The following METTL25 variants were observed in gnomAD, a reference collection of about 807,000 sequenced individuals.
The protein encoded by METTL25 is probable methyltransferase-like protein 25.
In METTL25, 64 loss-of-function variants were observed where a neutral mutation model predicts 71.6. The observed-to-expected ratio is 0.89, with a 90% CI of 0.73 to 1.10. METTL25 has a LOEUF of 1.10. Ranked by LOEUF, METTL25 falls within the 50% of genes least tolerant of loss-of-function variation. The probability of loss-of-function intolerance (pLI) is 0.00; values close to 1 mark genes in which losing one functional copy is unlikely to be tolerated. For missense variants in METTL25, 807 were observed against 707.0 expected (o/e 1.14, Z -1.60); for synonymous variants, 287 against 250.3 (o/e 1.15, Z -1.38).
intron 4 of METTL25, among the ~76,000 whole-genome samples, chr12:82,401,965 T>A (rs528515018): frequency 1.3e-5 from 2 of 152,084 alleles, no homozygotes; most frequent in East Asian, 3.9e-4. Flanking sequence ...TACAAGTTTC[T>A]TTTTACTCCT....
intron 5 of METTL25, among the ~76,000 whole-genome samples, chr12:82,404,886 G>C (rs1247529676): frequency 6.6e-6 from 1 of 151,708 alleles, no homozygotes; most frequent in Non-Finnish European, 1.5e-5. Context: ...ACAGGTTGCA[G>C]TGAGCCAAGA....
At chr12:82,410,570 G>T (rs1318490293) in intron 5 of METTL25, among the ~76,000 whole-genome samples, 1 of 152,100 alleles carries the variant, frequency 6.6e-6, no homozygotes, top group Non-Finnish European at 1.5e-5. Context: ...AGTTCAGCTA[G>T]ATCCTGGCTA....
intron 1 of METTL25, 113 bp downstream of exon 1, chr12:82,358,937 G>C (rs1232848996): frequency 1.5e-6 from 2 of 1,350,944 alleles, no homozygotes; most frequent in East Asian, 5.0e-5. Context: ...GCGGAGGCGG[G>C]GCGGCCCGCT....
chr12:82,362,019 C>G (rs147226964), intron 1 of METTL25, among the ~76,000 whole-genome samples: 1 of 152,156 alleles, frequency 6.6e-6, no homozygotes, highest in African/African-American at 2.4e-5. Context: ...AACATAATTC[C>G]CAGAGCGCAA....
chr12:82,449,796 A>G (rs765604061), intron 8 of METTL25, among the ~76,000 whole-genome samples: 1 of 142,142 alleles, frequency 7.0e-6, no homozygotes, highest in Non-Finnish European at 1.5e-5. Flanking sequence ...CACAGATTCT[A>G]AAAATCCTCT....
intron 1 of METTL25, 51 bp downstream of exon 1, chr12:82,358,875 G>T (rs771321669): frequency 1.1e-4 from 167 of 1,549,104 alleles, no homozygotes; most frequent in Non-Finnish European, 1.4e-4. Context: ...AGAAGGTCCC[G>T]GCAGACGAAG....
chr12:82,472,609 A>G (rs1489044252), intron 9 of METTL25, among the ~76,000 whole-genome samples: 1 of 151,984 alleles, frequency 6.6e-6, no homozygotes, highest in Non-Finnish European at 1.5e-5. Context: ...AAAAAAAATT[A>G]TTCTGCTTGG....
intron 4 of METTL25, among the ~76,000 whole-genome samples, chr12:82,402,462 C>G (rs1353265185): frequency 6.6e-6 from 1 of 151,450 alleles, no homozygotes; most frequent in African/African-American, 2.4e-5. Context: ...AGTTGTTAAG[C>G]AAATATTAGT....
intron 9 of METTL25, among the ~76,000 whole-genome samples, chr12:82,469,559 C>T (rs886298519): frequency 6.6e-6 from 1 of 151,898 alleles, no homozygotes; most frequent in East Asian, 1.9e-4. Context: ...CAATTACCTC[C>T]CACCAGGTCC....
intron 9 of METTL25, among the ~76,000 whole-genome samples, chr12:82,472,366 A>G (rs994597595): frequency 2.6e-5 from 4 of 152,196 alleles, no homozygotes; most frequent in Admixed American, 2.0e-4. Flanking sequence ...TGGGAGGCCA[A>G]AGCAGGCAGA....
intron 6 of METTL25, among the ~76,000 whole-genome samples, chr12:82,432,124 A>G (rs1242214865): frequency 6.6e-6 from 1 of 151,744 alleles, no homozygotes; most frequent in Non-Finnish European, 1.5e-5. Flanking sequence ...AGTTGATTAA[A>G]TAATATGTTT....
At chr12:82,390,875 G>A (rs939459913) in intron 3 of METTL25, among the ~76,000 whole-genome samples, 1 of 152,042 alleles carries the variant, frequency 6.6e-6, no homozygotes, top group Non-Finnish European at 1.5e-5. Context: ...TCAAAATCTT[G>A]GGGAGCGAGT....
At chr12:82,412,965 A>C (rs1295849768) in intron 5 of METTL25, among the ~76,000 whole-genome samples, 1 of 152,060 alleles carries the variant, frequency 6.6e-6, no homozygotes, top group African/African-American at 2.4e-5. Flanking sequence ...AATTTTAAAA[A>C]ATAAAGTTTT....
intron 9 of METTL25, among the ~76,000 whole-genome samples, chr12:82,465,347 A>G (rs1003008418): frequency 1.3e-5 from 2 of 152,062 alleles, no homozygotes; most frequent in African/African-American, 4.8e-5. Context: ...CTTTTTCTAC[A>G]TCTATTGAGA....
intron 4 of METTL25, among the ~76,000 whole-genome samples, chr12:82,402,632 T>C (rs1283904238): frequency 6.6e-6 from 1 of 152,216 alleles, no homozygotes; most frequent in Non-Finnish European, 1.5e-5. Context: ...TGATAATTAT[T>C]AACAGCTTTA....
At chr12:82,457,663 C>T (rs1463158458) in intron 9 of METTL25, among the ~76,000 whole-genome samples, 2 of 151,914 alleles carry the variant, frequency 1.3e-5, no homozygotes, top group East Asian at 3.9e-4. Context: ...AGGTAATATA[C>T]ATAAAGCTCT....
chr12:82,447,577 G>A (rs1890844548), intron 8 of METTL25, among the ~76,000 whole-genome samples: 1 of 151,076 alleles, frequency 6.6e-6, no homozygotes, highest in South Asian at 2.1e-4. Flanking sequence ...AAACAAGCAA[G>A]AACAACATAA....
At chr12:82,396,471 C>T (rs1474705282) in intron 3 of METTL25, among the ~76,000 whole-genome samples, 1 of 151,912 alleles carries the variant, frequency 6.6e-6, no homozygotes, top group African/African-American at 2.4e-5. Flanking sequence ...TTGAGTGGCT[C>T]ATACTTATGT....
chr12:82,437,866 C>T (rs967604365), intron 7 of METTL25, among the ~76,000 whole-genome samples: 1 of 151,528 alleles, frequency 6.6e-6, no homozygotes, highest in South Asian at 2.1e-4. Context: ...TACATGCAAG[C>T]TGGGTTGTTG....
Sources: gnomAD v4.1 joint callset for allele counts (sites outside exome capture counted in the v4.1 genomes callset) on GRCh38, gnomAD v4.1.1 for gene constraint, MANE v1.5 for transcripts, NCBI Gene and HGNC (gene_info 2026-07-23, HGNC 2026-07-21) for gene names.